Variants in SLC22A3 observed in about 807,000 individuals in gnomAD.
The protein encoded by SLC22A3 is solute carrier family 22 member 3, also known as EMT organic cation transporter 3.
A neutral mutation model predicts 59.1 loss-of-function variants in SLC22A3; 51 were observed. That is an observed-to-expected ratio of 0.86 (90% CI 0.69 to 1.09). SLC22A3 has a LOEUF of 1.09. Ranked by LOEUF, SLC22A3 falls within the 50% of genes least tolerant of loss-of-function variation. The pLI is 0.00. For missense variants in SLC22A3, 711 were observed against 726.3 expected (o/e 0.98, Z 0.24); for synonymous variants, 325 against 292.0 (o/e 1.11, Z -1.15).
chr6:160,417,536 G>C (rs574959462), intron 5 of SLC22A3, among the ~76,000 whole-genome samples: 2 of 152,318 alleles, frequency 1.3e-5, no homozygotes, highest in South Asian at 4.1e-4. Flanking sequence ...CACATTCTTT[G>C]GTGATGCAGG....
intron 2 of SLC22A3, among the ~76,000 whole-genome samples, chr6:160,403,645 C>G (rs1786881456): frequency 6.6e-6 from 1 of 150,720 alleles, no homozygotes; most frequent in South Asian, 2.1e-4. Flanking sequence ...AAATCCTCAA[C>G]AAAAATTTGC....
intron 10 of SLC22A3, among the ~76,000 whole-genome samples, chr6:160,448,797 G>T (rs1385608585): frequency 1.3e-5 from 2 of 152,138 alleles, no homozygotes; most frequent in Non-Finnish European, 2.9e-5. Flanking sequence ...CTGGGAAGAG[G>T]GGTAGGGAAG....
intron 5 of SLC22A3, among the ~76,000 whole-genome samples, chr6:160,428,425 C>G (rs1788041415): frequency 6.6e-6 from 1 of 152,228 alleles, no homozygotes; most frequent in South Asian, 2.1e-4. Flanking sequence ...CTCCTAGCCT[C>G]ATGTGCAGTC....
chr6:160,423,369 AT>A (rs1787826325), intron 5 of SLC22A3, among the ~76,000 whole-genome samples: 1 of 152,200 alleles, frequency 6.6e-6, no homozygotes. Flanking sequence ...GCTGGGTCAA[AT>A]GGTATTTCTA....
chr6:160,379,705 A>G (rs1383469647), intron 1 of SLC22A3, among the ~76,000 whole-genome samples: 1 of 152,238 alleles, frequency 6.6e-6, no homozygotes, highest in East Asian at 1.9e-4. Context: ...GCTATGACTC[A>G]TGCTCTGTTC....
chr6:160,431,605 C>T (rs1014473478), intron 5 of SLC22A3, among the ~76,000 whole-genome samples: 6 of 151,860 alleles, frequency 4.0e-5, no homozygotes, highest in African/African-American at 1.5e-4. Context: ...AGGCAGTAAA[C>T]TTGTGGTCTG....
intron 9 of SLC22A3, among the ~76,000 whole-genome samples, chr6:160,445,803 G>A (rs2114928818): frequency 6.6e-6 from 1 of 152,348 alleles, no homozygotes; most frequent in South Asian, 2.1e-4. Context: ...GTAGCAGCAA[G>A]GCTGAGGGTC....
chr6:160,448,416 T>C (rs1057164061), intron 10 of SLC22A3, among the ~76,000 whole-genome samples: 5 of 152,014 alleles, frequency 3.3e-5, no homozygotes, highest in Admixed American at 2.6e-4. Context: ...GATAGATAAG[T>C]GATAGTAGAT....
chr6:160,414,391 A>G (rs1787383391), intron 5 of SLC22A3, among the ~76,000 whole-genome samples: 1 of 152,150 alleles, frequency 6.6e-6, no homozygotes, highest in East Asian at 1.9e-4. Flanking sequence ...CATATGCATC[A>G]TTTTTTCTTT....
At chr6:160,358,339 G>A (rs534848865) in intron 1 of SLC22A3, among the ~76,000 whole-genome samples, 26 of 152,212 alleles carry the variant, frequency 1.7e-4, no homozygotes, top group Non-Finnish European at 2.9e-4. Flanking sequence ...AGATATGTAA[G>A]TAGCTGGTGA....
intron 2 of SLC22A3, 149 bp from the exon 3 acceptor site, chr6:160,406,892 G>T: frequency 3.3e-6 from 3 of 921,556 alleles, no homozygotes; most frequent in Non-Finnish European, 3.1e-6. Context: ...GCAACATAGG[G>T]ACACCCTGTC....
intron 1 of SLC22A3, among the ~76,000 whole-genome samples, chr6:160,361,671 T>C (rs537452103): frequency 6.6e-6 from 1 of 152,196 alleles, no homozygotes; most frequent in Admixed American, 6.5e-5. Flanking sequence ...AGAGATTAGA[T>C]AATTTGTCCA....
At position 160,437,198 on chromosome 6, in the gene SLC22A3, G is replaced by A. The variant is rs574015405; in HGVS notation, c.1275G>A (p.Ala425=). 163 of 1,614,038 alleles carry A rather than the reference G, an allele frequency of 1.0e-4. No homozygotes were observed. The highest frequency in any genetic ancestry group is 2.2e-5 in the East Asian group (1 of 44,880). ...IVAGVACLVT[A]FLPEGIAWLR... ...CAGGGGTGGCATGCCTTGTCACTGCGTTCTTACCAGAAGGTAATCTTACCC... is the reference window on the plus strand; with the variant it reads ...CAGGGGTGGCATGCCTTGTCACTGCATTCTTACCAGAAGGTAATCTTACCC... Residue 425 remains alanine, a synonymous_variant, in exon 7 of 11, where the codon GCG becomes GCA. Coordinates refer to ENST00000275300, the MANE Select transcript of SLC22A3 (RefSeq NM_021977.4).
At chr6:160,443,900 A>G (rs1352282547) in intron 9 of SLC22A3, among the ~76,000 whole-genome samples, 158 bp downstream of exon 9, 1 of 152,154 alleles carries the variant, frequency 6.6e-6, no homozygotes, top group Non-Finnish European at 1.5e-5. Flanking sequence ...TCATCTTATT[A>G]TAATAACTAT....
intron 5 of SLC22A3, among the ~76,000 whole-genome samples, chr6:160,433,187 A>T (rs950401894): frequency 6.6e-6 from 1 of 152,192 alleles, no homozygotes. Context: ...ACGTTCGCCA[A>T]CCTCTAGGTT....
chr6:160,447,489 C>T (rs1272343612), intron 9 of SLC22A3, among the ~76,000 whole-genome samples: 1 of 152,158 alleles, frequency 6.6e-6, no homozygotes, highest in Non-Finnish European at 1.5e-5. Context: ...TGAGTGAACA[C>T]ATGGCTGCCA....
chr6:160,444,833 C>T (rs958100155), intron 9 of SLC22A3, among the ~76,000 whole-genome samples: 21 of 152,252 alleles, frequency 1.4e-4, no homozygotes, highest in African/African-American at 5.1e-4. Flanking sequence ...CCTTCTGCTT[C>T]ATGCAAAAGT....
chr6:160,352,161 G>T (rs1162767787), intron 1 of SLC22A3, among the ~76,000 whole-genome samples: 2 of 152,176 alleles, frequency 1.3e-5, no homozygotes, highest in Admixed American at 6.5e-5. Flanking sequence ...GTTGCAAAAT[G>T]GTCATTTAAA....
Position 160,362,694 on chromosome 6 carries a change from G to C in SLC22A3, c.429+13846G>C, listed in dbSNP as rs371143598. On this transcript the variant is annotated intron_variant, in intron 1 of 10. Transcript: ENST00000275300. ...TGGGGGCGGGCCAGACGGTGCGGAG[G>C]GGGAGAGGAGGAAGACTGTGTCCAG... Among the ~76,000 whole-genome samples, 11 of 152,226 alleles carry C rather than the reference G, an allele frequency of 7.2e-5. No homozygotes were observed. The South Asian group carries it at 8.3e-4, about 11-fold the overall frequency.
Sources: gnomAD v4.1 joint callset for allele counts (sites outside exome capture counted in the v4.1 genomes callset) on GRCh38, gnomAD v4.1.1 for gene constraint, MANE v1.5 for transcripts, NCBI Gene and HGNC (gene_info 2026-07-23, HGNC 2026-07-21) for gene names.